MEGF8: variants seen among roughly 807,000 people sequenced by gnomAD.
MEGF8 encodes multiple EGF like domains 8.
A neutral mutation model predicts 302.9 loss-of-function variants in MEGF8; 156 were observed. That is an observed-to-expected ratio of 0.52 (90% confidence interval 0.45 to 0.59). The LOEUF is 0.59. MEGF8 is among the 20% of genes least tolerant of loss of function. The pLI, the probability that MEGF8 is intolerant of heterozygous loss-of-function variation, is 0.00. For synonymous variants in MEGF8, 1,621 were observed against 1,660.5 expected (o/e 0.98, Z 0.58); for missense variants, 3,345 against 3,964.5 (o/e 0.84, Z 4.20).
In MEGF8 at chr19:42,351,027, T is replaced by C. The variant is rs1312088939; in HGVS notation, c.2737-189T>C. 1.7e-6 allele frequency: 1 copy of C among 605,964 alleles called. No individual in the cohort carries two copies. Among genetic ancestry groups the C allele is most frequent in the Admixed American group, 3.1e-5 (1 of 32,768 alleles). The allele number at this position is 605,964 out of a possible 1,614,324, so 37.5% of individuals were successfully genotyped here. A position where few individuals can be genotyped will look rare whatever the true frequency, so the allele number is the denominator to read the frequency against. Reference sequence around the variant, plus strand: ...GGGTGCTATTGCCTAAAGGAGACAGTGGGTGCTGGGCGGGCCGACCCATGG... The same window carrying C: ...GGGTGCTATTGCCTAAAGGAGACAGCGGGTGCTGGGCGGGCCGACCCATGG... On this transcript the variant is annotated intron_variant, in intron 15 of 41. Transcript: ENST00000251268. The surrounding 1 kb of genome is among the most constrained non-coding windows in gnomAD (Gnocchi z 5.6).
Position 42,368,565 on chromosome 19 carries a change from C to T in MEGF8, c.6384C>T (p.Ala2128=), listed in dbSNP as rs1228127670. Residue 2128 remains alanine (A), a synonymous_variant, in exon 36 of 42, where the codon GCC becomes GCT. Coordinates refer to ENST00000251268, the MANE Select transcript of MEGF8 (RefSeq NM_001271938.2). The surrounding 1 kb of genome is among the most constrained non-coding windows in gnomAD (Gnocchi z 4.9). The part of the protein sequence containing the change: ...SLGCAQATQC[A]LCLRRPHCGW... Reference sequence around the variant, plus strand: ...GCTGTGCTCAGGCAACTCAGTGCGCCTTGTGCCTGCGGCGCCCCCATTGCG... The same window carrying T: ...GCTGTGCTCAGGCAACTCAGTGCGCTTTGTGCCTGCGGCGCCCCCATTGCG... The T allele has an allele frequency of 1.3e-6, 2 of 1,592,616 alleles. No homozygotes were observed. Among genetic ancestry groups the T allele is most frequent in the Non-Finnish European group, 8.5e-7 (1 of 1,170,254 alleles).
chr19:42,336,770 C>A lies in MEGF8; in HGVS notation c.1245-37C>A. 6.5e-7 allele frequency: 1 copy of A among 1,543,064 alleles called. No homozygotes were observed. The highest frequency in any genetic ancestry group is 8.7e-7 in the Non-Finnish European group (1 of 1,146,776). On this transcript the variant is annotated intron_variant, in intron 6 of 41. Coordinates refer to ENST00000251268, the MANE Select transcript of MEGF8 (RefSeq NM_001271938.2). This position sits in a 1 kb window ranked among gnomAD's most constrained non-coding sequence, Gnocchi z 4.8. ...GCCTGGAGGAGGGAGAGAGACGCTT[C>A]CTGCCCTGAGCCCCTGCCCTGCTTC...
At chr19:42,361,089 C>A in intron 32 of MEGF8, 83 bp downstream of exon 32, 1 of 1,393,226 alleles carries the variant, frequency 7.2e-7, no homozygotes, top group Non-Finnish European at 9.6e-7. Context: ...GGATGGAGGC[C>A]TCAGGAGTAT....
intron 8 of MEGF8, among the ~76,000 whole-genome samples, chr19:42,340,705 T>C (rs1358912567): frequency 1.3e-5 from 2 of 152,164 alleles, no homozygotes; most frequent in East Asian, 3.9e-4. Flanking sequence ...TCTTGCTCTG[T>C]CACCCAGGCT....
rs566996338 is a variant in MEGF8 at position 42,368,045 on chromosome 19, G to A, written c.6274-410G>A. ...CAAAAAATCCTACCTCAGCCCCCCA[G>A]GTAGCTGGGTCTACAGATGTGTGCC... On this transcript the variant is annotated intron_variant, in intron 35 of 41. Coordinates refer to ENST00000251268, the MANE Select transcript of MEGF8 (RefSeq NM_001271938.2). This position sits in a 1 kb window ranked among gnomAD's most constrained non-coding sequence, Gnocchi z 4.9. 6.6e-6 allele frequency among the ~76,000 whole-genome samples: 1 copy of A among 152,146 alleles called. No homozygotes were observed. The highest frequency in any genetic ancestry group is 2.4e-5 in the African/African-American group (1 of 41,508).
At chr19:42,335,489 C>A in intron 5 of MEGF8, 104 bp downstream of exon 5, 2 of 1,032,414 alleles carry the variant, frequency 1.9e-6, no homozygotes, top group Non-Finnish European at 2.9e-6. Context: ...ACAGTTCCTG[C>A]AGCTTGATAT....
At position 42,343,463 on chromosome 19, in the gene MEGF8, C is replaced by T. The variant is rs1273982901; in HGVS notation, c.1514-14C>T. ...GGGGGTCTAATAATGTCATTGGGGT[C>T]TCTATTCCCCTAGGCCGAGCAGCGC... On this transcript the variant is annotated splice_polypyrimidine_tract_variant and intron_variant, in intron 8 of 41. Coordinates refer to ENST00000251268, the MANE Select transcript of MEGF8 (RefSeq NM_001271938.2). 6.3e-7 allele frequency: 1 copy of T among 1,577,352 alleles called. No individual in the cohort carries two copies. Among genetic ancestry groups the T allele is most frequent in the Admixed American group, 1.7e-5 (1 of 57,438 alleles).
At position 42,344,905 on chromosome 19, in the gene MEGF8, A is replaced by G; in HGVS notation, c.2097+72A>G. The G allele has an allele frequency of 7.1e-7, 1 of 1,417,574 alleles. No homozygotes were observed. The highest frequency in any genetic ancestry group is 9.4e-7 in the Non-Finnish European group (1 of 1,061,442). The allele number at this position is 1,417,574 out of a possible 1,614,324, so 87.8% of individuals were successfully genotyped here. A position where few individuals can be genotyped will look rare whatever the true frequency, so the allele number is the denominator to read the frequency against. On this transcript the variant is annotated intron_variant, in intron 12 of 41. Coordinates refer to ENST00000251268, the MANE Select transcript of MEGF8 (RefSeq NM_001271938.2). This position sits in a 1 kb window ranked among gnomAD's most constrained non-coding sequence, Gnocchi z 4.5. ...CTAGGGTTTGTTTTTTCTCAAATGC[A>G]TCTTTATCACTCTTATGTTTACTCC...
intron 1 of MEGF8, among the ~76,000 whole-genome samples, chr19:42,331,855 C>A (rs2039059104): frequency 6.7e-6 from 1 of 149,370 alleles, no homozygotes; most frequent in Non-Finnish European, 1.5e-5. Context: ...TAGGCGTGAC[C>A]CACGGCACCC....
chr19:42,366,354 C>A (rs368397472), intron 35 of MEGF8, among the ~76,000 whole-genome samples: 1 of 152,134 alleles, frequency 6.6e-6, no homozygotes, highest in East Asian at 1.9e-4. Context: ...ATGCACGCCA[C>A]CACACCTGGC....
chr19:42,373,226 G>A (rs1451707824), intron 41 of MEGF8, among the ~76,000 whole-genome samples: 1 of 151,466 alleles, frequency 6.6e-6, no homozygotes, highest in Non-Finnish European at 1.5e-5. Context: ...CCGAGTAGCT[G>A]GGACTACAGG....
Position 42,344,977 on chromosome 19 carries a change from T to G in MEGF8, c.2097+144T>G, listed in dbSNP as rs2039268520. On this transcript the variant is annotated intron_variant, in intron 12 of 41. Transcript: ENST00000251268. This position sits in a 1 kb window ranked among gnomAD's most constrained non-coding sequence, Gnocchi z 4.5. ...TCTTATTTTCCTTATGGACTTTATT[T>G]TTTATTTTTTTTGAGAGGGAGTCTT... The G allele has an allele frequency of 6.4e-6, 6 of 942,198 alleles. No homozygotes were observed. The South Asian group carries it at 1.5e-4, about 23-fold the overall frequency. 58.4% of individuals were successfully genotyped at this position (942,198 alleles called of 1,614,324 possible).
intron 1 of MEGF8, among the ~76,000 whole-genome samples, chr19:42,326,670 T>G (rs1282685874): frequency 6.6e-6 from 1 of 151,774 alleles, no homozygotes; most frequent in African/African-American, 2.4e-5. Context: ...CCGGGCCTTC[T>G]GAGTAACTGT....
chr19:42,352,944 G>A lies in MEGF8; in HGVS notation c.3367G>A (p.Gly1123Ser). Residue 1123 changes from glycine (G) to serine (S), a missense_variant, in exon 20 of 42, where the codon GGC (glycine) becomes AGC (serine). By Grantham distance (56) the Gly-to-Ser change is moderately conservative (BLOSUM62 0). Coordinates refer to ENST00000251268, the MANE Select transcript of MEGF8 (RefSeq NM_001271938.2). This position sits in a 1 kb window ranked among gnomAD's most constrained non-coding sequence, Gnocchi z 4.4. ...GCCCCTCAGGTGCTTGGAGGACTGT[G>A]GCCATGGTGTGTGCAGTGGCCCCCC... ...HCNRTCLEDCGHGVCSGPPDF... is the reference protein window; with the variant it reads ...HCNRTCLEDCSHGVCSGPPDF... 6.3e-7 allele frequency: 1 copy of A among 1,599,754 alleles called. No homozygotes were observed. Among genetic ancestry groups the A allele is most frequent in the Non-Finnish European group, 8.5e-7 (1 of 1,173,992 alleles).
intron 1 of MEGF8, among the ~76,000 whole-genome samples, chr19:42,327,144 T>G (rs1030115243): frequency 6.6e-6 from 1 of 152,266 alleles, no homozygotes; most frequent in Non-Finnish European, 1.5e-5. Context: ...TTAACATGCC[T>G]GATGTGTGGC....
chr19:42,354,541 G>A lies in MEGF8; in HGVS notation c.4012-47G>A, dbSNP rs770720271. ...CTCCTCCTCCCAGACCCCAGGTGTC[G>A]TTCTCATCCTCATTGTCTCCTAATC... is the stretch of plus-strand genomic sequence containing the variant. On this transcript the variant is annotated intron_variant, in intron 22 of 41. Coordinates refer to ENST00000251268, the MANE Select transcript of MEGF8 (RefSeq NM_001271938.2). This position sits in a 1 kb window ranked among gnomAD's most constrained non-coding sequence, Gnocchi z 4.3. 51 of 1,578,634 alleles carry A rather than the reference G, an allele frequency of 3.2e-5. No homozygotes were observed. Among genetic ancestry groups the A allele is most frequent in the East Asian group, 6.8e-5 (3 of 44,080 alleles).
At chr19:42,327,574 G>A (rs1278104248) in intron 1 of MEGF8, among the ~76,000 whole-genome samples, 2 of 152,208 alleles carry the variant, frequency 1.3e-5, no homozygotes, top group African/African-American at 2.4e-5. Flanking sequence ...AACCCACTCC[G>A]AGGCTGTTTG....
chr19:42,347,702 G>T (rs1317371029), intron 12 of MEGF8, among the ~76,000 whole-genome samples: 1 of 152,058 alleles, frequency 6.6e-6, no homozygotes, highest in East Asian at 1.9e-4. Context: ...ATGTTGGTCA[G>T]GCTGGTCTTG....
chr19:42,343,399 C>T, intron 8 of MEGF8, 78 bp from the exon 9 acceptor site: 1 of 1,477,012 alleles, frequency 6.8e-7, no homozygotes, highest in Non-Finnish European at 9.1e-7. Flanking sequence ...TGGGCTGTGG[C>T]CCAGGAGAAT....
Sources: gnomAD v4.1 joint callset for allele counts (sites outside exome capture counted in the v4.1 genomes callset) on GRCh38, gnomAD v4.1.1 for gene constraint, Gnocchi (gnomAD v3.1) non-coding constraint, MANE v1.5 for transcripts, NCBI Gene and HGNC (gene_info 2026-07-23, HGNC 2026-07-21) for gene names.